PRR5: variants seen among roughly 807,000 people sequenced by gnomAD.
The protein encoded by PRR5 is proline-rich protein 5.
A neutral mutation model predicts 30.6 loss-of-function variants in PRR5; 25 were observed. The ratio of observed to expected loss-of-function variants is 0.82; its 90% CI spans 0.60 to 1.14. PRR5 has a LOEUF of 1.14. Among genes scored for constraint, PRR5 ranks in the 50% most tolerant of loss-of-function variants. PRR5 has a pLI of 0.00. For missense variants in PRR5, 600 were observed against 547.1 expected, an observed-to-expected ratio of 1.10 and a Z score of -0.96; for synonymous variants, 286 against 247.1, an observed-to-expected ratio of 1.16 and a Z score of -1.48.
intron 4 of PRR5, among the ~76,000 whole-genome samples, chr22:44,727,932 G>A (rs1921157695): frequency 6.6e-6 from 1 of 152,262 alleles, no homozygotes; most frequent in Non-Finnish European, 1.5e-5. Flanking sequence ...TAGACTGGCA[G>A]GACAGAGCTG....
At chr22:44,722,366 A>G (rs562390500) in intron 2 of PRR5, among the ~76,000 whole-genome samples, 6 of 152,378 alleles carry the variant, frequency 3.9e-5, no homozygotes, top group African/African-American at 9.6e-5. Context: ...CACTGCCCAC[A>G]GAGCTGTGCA....
chr22:44,676,412 A>AAAAAAAAAAAAAAAAAG (rs1569060698), upstream of PRR5, among the ~76,000 whole-genome samples: 3 of 148,460 alleles, frequency 2.0e-5, no homozygotes, highest in African/African-American at 5.0e-5. Context: ...AAAAAAAAAA[A>AAAAAAAAAAAAAAAAAG]AAAGAAAGAA....
intron 6 of PRR5, among the ~76,000 whole-genome samples, chr22:44,732,933 TACTAC>T (rs1489153095): frequency 8.1e-6 from 1 of 123,050 alleles, no homozygotes; most frequent in Non-Finnish European, 1.8e-5. Flanking sequence ...CGCACGCACA[TACTAC>T]ACACGTGTGC....
At chr22:44,713,994 G>A (rs1952082098) in intron 1 of PRR5, among the ~76,000 whole-genome samples, 1 of 152,054 alleles carries the variant, frequency 6.6e-6, no homozygotes, top group African/African-American at 2.4e-5. Context: ...TAGTAGAGAC[G>A]GGGTTTCACC....
At chr22:44,734,926 G>A (rs1036871955) in intron 6 of PRR5, 101 bp from the exon 7 acceptor site, 48 of 1,427,378 alleles carry the variant, frequency 3.4e-5, no homozygotes, top group Admixed American at 1.7e-4. Flanking sequence ...GAGGCGGGAG[G>A]CAGAGGACAG....
At chr22:44,670,789 T>C (rs1923381438) in intron 1 of PRR5, among the ~76,000 whole-genome samples, 1 of 152,144 alleles carries the variant, frequency 6.6e-6, no homozygotes, top group Non-Finnish European at 1.5e-5. Flanking sequence ...GTGCCAGCTT[T>C]CCTGCTCACG....
intron 1 of PRR5, among the ~76,000 whole-genome samples, chr22:44,681,832 A>T (rs999501966): frequency 2.6e-5 from 4 of 152,138 alleles, no homozygotes; most frequent in Non-Finnish European, 5.9e-5. Flanking sequence ...GCAGGAGATG[A>T]TGTGGGCAAA....
At chr22:44,699,645 T>TA (rs1169761548), upstream of PRR5, among the ~76,000 whole-genome samples, 1 of 152,174 alleles carries the variant, frequency 6.6e-6, no homozygotes, top group Non-Finnish European at 1.5e-5. Flanking sequence ...AACAAGTTGT[T>TA]ACGGTTCTTG....
At chr22:44,703,753 C>A (rs11090687) in intron 1 of PRR5, among the ~76,000 whole-genome samples, 1 of 152,140 alleles carries the variant, frequency 6.6e-6, no homozygotes, top group African/African-American at 2.4e-5. Context: ...CACGGCGGCT[C>A]ACACCTGTAA....
At chr22:44,674,717 TA>T (rs1025711026), upstream of PRR5, among the ~76,000 whole-genome samples, 2 of 146,314 alleles carry the variant, frequency 1.4e-5, no homozygotes, top group African/African-American at 5.1e-5. Context: ...AGACTCCGTC[TA>T]AAAAAAAAGA....
Position 44,702,599 on chromosome 22 carries a change from C to A in PRR5, c.125C>A (p.Thr42Asn). ...CAGCGCCGGGCCTGCGCCAACGCCA[C>A]CTGGAACAGGTAAGGCCGCGCCCTC... ...TQQRRACANA[T>N]WNSIHNGVIA... Residue 42 changes from threonine to asparagine, a missense_variant, in exon 1 of 8, where the codon ACC becomes AAC. Physicochemically the swap from Thr to Asn is moderately conservative, Grantham distance 65. Coordinates refer to ENST00000336985, the MANE Select transcript of PRR5 (RefSeq NM_181333.4). The A allele has an allele frequency of 7.3e-7, 1 of 1,369,892 alleles. No individual in the cohort carries two copies. The highest frequency in any genetic ancestry group is 9.4e-7 in the Non-Finnish European group (1 of 1,059,798). 84.9% of individuals were successfully genotyped at this position (1,369,892 alleles called of 1,614,324 possible). A position where few individuals can be genotyped will look rare whatever the true frequency, so the allele number is the denominator to read the frequency against.
chr22:44,707,017 G>A (rs1444453887), intron 1 of PRR5, among the ~76,000 whole-genome samples: 4 of 152,112 alleles, frequency 2.6e-5, no homozygotes, highest in African/African-American at 7.2e-5. Context: ...TGTCCCCATC[G>A]GGCTCTCCCA....
At chr22:44,726,511 C>T in intron 3 of PRR5, 66 bp from the exon 4 acceptor site, 7 of 1,610,656 alleles carry the variant, frequency 4.3e-6, no homozygotes, top group Non-Finnish European at 5.9e-6. Context: ...TCTCGGGGGC[C>T]CTGCTGGCCA....
Position 44,714,576 on chromosome 22 carries a change from TC to T in PRR5, c.135-12del. The T allele has an allele frequency of 6.2e-7, 1 of 1,612,148 alleles. No homozygotes were observed. The highest frequency in any genetic ancestry group is 8.5e-7 in the Non-Finnish European group (1 of 1,179,888). On this transcript the variant is annotated splice_polypyrimidine_tract_variant and intron_variant, in intron 1 of 7. Transcript: ENST00000336985. ...AGACCTCAGGACTGCAGTGTTTTCT[TC>T]CCTCTGCCCCCAGCATCCACAACGG...
intron 1 of PRR5, among the ~76,000 whole-genome samples, chr22:44,687,521 C>T (rs1238295867): frequency 6.6e-6 from 1 of 152,164 alleles, no homozygotes; most frequent in African/African-American, 2.4e-5. Flanking sequence ...CTACCTCAAG[C>T]TCAGGAGGAG....
At chr22:44,687,657 C>T (rs1001051574) in intron 1 of PRR5, among the ~76,000 whole-genome samples, 2 of 152,240 alleles carry the variant, frequency 1.3e-5, no homozygotes, top group Non-Finnish European at 1.5e-5. Flanking sequence ...CACCTCCCAG[C>T]ATCCTGCTTG....
chr22:44,704,121 A>C (rs1256947386), intron 1 of PRR5, among the ~76,000 whole-genome samples: 1 of 152,218 alleles, frequency 6.6e-6, no homozygotes. Context: ...TTGAACATGC[A>C]AAATAAAGCC....
chr22:44,672,292 G>C (rs1361739130), upstream of PRR5, among the ~76,000 whole-genome samples: 2 of 152,204 alleles, frequency 1.3e-5, no homozygotes, highest in African/African-American at 2.4e-5. Flanking sequence ...TGGTTTAAAA[G>C]ATGTCAAGAT....
At chr22:44,721,459 G>A (rs937167033) in intron 2 of PRR5, among the ~76,000 whole-genome samples, 32 of 152,314 alleles carry the variant, frequency 2.1e-4, no homozygotes, top group African/African-American at 7.0e-4. Context: ...AGAAGCTGAA[G>A]TTACAAAGTT....
Sources: allele counts gnomAD v4.1 joint callset (sites outside exome capture counted in the v4.1 genomes callset), GRCh38; gene constraint gnomAD v4.1.1; transcripts MANE v1.5; gene names NCBI Gene and HGNC (gene_info 2026-07-23, HGNC 2026-07-21).